The following AADACL4 variants were observed in gnomAD, a reference collection of about 807,000 sequenced individuals.
AADACL4 encodes arylacetamide deacetylase like 4.
A neutral mutation model predicts 14.1 loss-of-function variants in AADACL4; 9 were observed. The ratio of observed to expected loss-of-function variants is 0.64; its 90% CI spans 0.39 to 1.12. The LOEUF is 1.12. Among genes scored for constraint, AADACL4 ranks in the 50% most tolerant of loss-of-function variants. AADACL4 has a pLI of 0.01. For missense variants in AADACL4, 531 were observed against 516.1 expected, an observed-to-expected ratio of 1.03 and a Z score of -0.28; for synonymous variants, 188 against 201.6, an observed-to-expected ratio of 0.93 and a Z score of 0.57.
chr1:12,659,858 G>T (rs1041930643), intron 2 of AADACL4, among the ~76,000 whole-genome samples: 3 of 151,692 alleles, frequency 2.0e-5, no homozygotes, highest in African/African-American at 7.3e-5. Context: ...TCACTCTGTT[G>T]TCCAGGCTGG....
chr1:12,649,629 C>CG (rs1647133155), intron 1 of AADACL4, among the ~76,000 whole-genome samples: 1 of 152,152 alleles, frequency 6.6e-6, no homozygotes, highest in African/African-American at 2.4e-5. Context: ...GTAGTCCGTG[C>CG]AACCTCAGAC....
chr1:12,658,016 C>G (rs887830342), intron 2 of AADACL4, among the ~76,000 whole-genome samples: 1 of 149,606 alleles, frequency 6.7e-6, no homozygotes, highest in East Asian at 2.0e-4. Flanking sequence ...CTCTCTCTCT[C>G]TCTTTCTTTC....
chr1:12,662,090 C>T (rs2100769240), intron 3 of AADACL4, among the ~76,000 whole-genome samples: 1 of 152,098 alleles, frequency 6.6e-6, no homozygotes, highest in Non-Finnish European at 1.5e-5. Flanking sequence ...GATTACATAG[C>T]CAAGAAGATA....
chr1:12,649,639 C>A (rs1487346510), intron 1 of AADACL4, among the ~76,000 whole-genome samples: 1 of 152,160 alleles, frequency 6.6e-6, no homozygotes, highest in Non-Finnish European at 1.5e-5. Context: ...CAACCTCAGA[C>A]AAGACCCAGT....
intron 1 of AADACL4, among the ~76,000 whole-genome samples, chr1:12,646,727 T>C (rs920850665): frequency 1.3e-5 from 2 of 152,224 alleles, no homozygotes; most frequent in Non-Finnish European, 2.9e-5. Context: ...ACAGCTGCTA[T>C]GGGCTGTTCA....
chr1:12,644,662 A>G lies in AADACL4; in HGVS notation c.116A>G (p.His39Arg), dbSNP rs776894547. ...LTTDIPATLQ[H>R]PAKLRFLHCI... ...ACGGATATCCCTGCTACCTTGCAGC[A>G]TCCTGCCAAGTTGAGATTCCTGCAT... is the stretch of plus-strand genomic sequence containing the variant. Residue 39 changes from histidine (H) to arginine (R), a missense_variant, in exon 1 of 4, where the codon CAT becomes CGT. His to Arg is a conservative substitution (Grantham distance 29, BLOSUM62 0). Transcript: ENST00000376221. 6.2e-7 allele frequency: 1 copy of G among 1,614,104 alleles called. No homozygotes were observed. The highest frequency in any genetic ancestry group is 8.5e-7 in the Non-Finnish European group (1 of 1,180,006).
intron 2 of AADACL4, among the ~76,000 whole-genome samples, chr1:12,653,276 T>C (rs1400997295): frequency 1.3e-5 from 2 of 152,176 alleles, no homozygotes; most frequent in Admixed American, 6.5e-5. Flanking sequence ...AATTGCAGTG[T>C]TTGCCATAAA....
intron 3 of AADACL4, among the ~76,000 whole-genome samples, chr1:12,662,282 C>T (rs1409878958): frequency 6.6e-6 from 1 of 152,008 alleles, no homozygotes; most frequent in Non-Finnish European, 1.5e-5. Flanking sequence ...AACACATAGA[C>T]GTAACAAGAC....
intron 2 of AADACL4, among the ~76,000 whole-genome samples, chr1:12,654,870 A>G (rs1647171697): frequency 6.6e-6 from 1 of 152,222 alleles, no homozygotes; most frequent in African/African-American, 2.4e-5. Flanking sequence ...AGGGGTGACC[A>G]GGTTAATTAC....
At chr1:12,647,331 T>C (rs1557547065) in intron 1 of AADACL4, among the ~76,000 whole-genome samples, 1 of 152,118 alleles carries the variant, frequency 6.6e-6, no homozygotes, top group African/African-American at 2.4e-5. Flanking sequence ...ACTCCTGGAT[T>C]CAAGCAATCC....
At chr1:12,652,229 G>T (rs1240426304) in intron 2 of AADACL4, among the ~76,000 whole-genome samples, 1 of 152,030 alleles carries the variant, frequency 6.6e-6, no homozygotes, top group African/African-American at 2.4e-5. Flanking sequence ...GCCTCACCCG[G>T]GTCACCTGTG....
At chr1:12,657,621 G>A (rs540286280) in intron 2 of AADACL4, among the ~76,000 whole-genome samples, 24 of 152,304 alleles carry the variant, frequency 1.6e-4, no homozygotes, top group African/African-American at 5.1e-4. Context: ...AGACACGTGC[G>A]AGGAGGATTG....
At chr1:12,656,134 G>A (rs1351056964) in intron 2 of AADACL4, among the ~76,000 whole-genome samples, 1 of 152,160 alleles carries the variant, frequency 6.6e-6, no homozygotes, top group African/African-American at 2.4e-5. Context: ...GTTACCCATG[G>A]CCTTGGCTTG....
chr1:12,645,061 C>CCTTA (rs1330832675), intron 1 of AADACL4, among the ~76,000 whole-genome samples: 1 of 148,896 alleles, frequency 6.7e-6, no homozygotes, highest in East Asian at 2.0e-4. Context: ...TCCCTCCCTC[C>CCTTA]CTTCCTTCCT....
chr1:12,658,097 T>TTC (rs747258829), intron 2 of AADACL4, among the ~76,000 whole-genome samples: 2 of 130,210 alleles, frequency 1.5e-5, no homozygotes, highest in Non-Finnish European at 3.3e-5. Context: ...TTCTCTTTCT[T>TTC]TCTCTCTTTC....
chr1:12,659,125 G>A (rs758208733), intron 2 of AADACL4, among the ~76,000 whole-genome samples: 29 of 152,104 alleles, frequency 1.9e-4, no homozygotes, highest in Non-Finnish European at 5.9e-5. Context: ...GGCTTCTCCC[G>A]GTACATAACT....
rs1647354373 is a variant in AADACL4, at chr1:12,666,900, A to T, written c.*165A>T. 1.5e-6 allele frequency: 1 copy of T among 649,100 alleles called. No individual in the cohort carries two copies. The highest frequency in any genetic ancestry group is 4.3e-4 in the Middle Eastern group (1 of 2,312). 40.2% of individuals were successfully genotyped at this position (649,100 alleles called of 1,614,324 possible). On this transcript the variant is annotated 3_prime_UTR_variant, in exon 4 of 4. Transcript: ENST00000376221. Reference sequence around the variant, plus strand: ...AACAGTCTTGCTTAGTATTCAAGAAAATCCAAACTGTGTCTGTTTCCTTCC... The same window carrying T: ...AACAGTCTTGCTTAGTATTCAAGAATATCCAAACTGTGTCTGTTTCCTTCC...
rs1242212582 is a variant in AADACL4, at chr1:12,666,684, ATGTTCCC to A, written c.1176_1182del (p.Cys392Ter). Reference sequence around the variant, plus strand: ...TTGATAAGAAGGCTCTCTCTTTCCCATGTTCCCTGAAGATTGTGAATGCTGTAGTCAG... The same window carrying A: ...TTGATAAGAAGGCTCTCTCTTTCCCATGAAGATTGTGAATGCTGTAGTCAG... On this transcript the variant is annotated frameshift_variant, in exon 4 of 4. Coordinates refer to ENST00000376221, the MANE Select transcript of AADACL4 (RefSeq NM_001013630.2). LOFTEE classifies it low-confidence loss of function (END_TRUNC). The A allele has an allele frequency of 5.6e-6, 9 of 1,613,678 alleles. No homozygotes were observed. The highest frequency in any genetic ancestry group is 7.6e-6 in the Non-Finnish European group (9 of 1,180,008).
rs758026707 is a variant in AADACL4, at chr1:12,665,996, T to C, written c.485T>C (p.Leu162Pro). The C allele has an allele frequency of 2.5e-6, 4 of 1,612,164 alleles. No homozygotes were observed. In the African/African-American group the frequency reaches 5.3e-5, roughly 22 times the overall value. The change falls in exon 4 of 4, where the codon CTT (leucine) becomes CCT (proline). Residue 162 changes from leucine (L) to proline (P), a missense_variant. Coordinates refer to ENST00000376221, the MANE Select transcript of AADACL4 (RefSeq NM_001013630.2). ...RKLPDHHSPA[L>P]FQDCMNASIH... ...CTTCCTGACCACCATTCCCCTGCCC[T>C]TTTCCAAGACTGCATGAATGCCTCC... is the stretch of plus-strand genomic sequence containing the variant.
Sources: allele counts gnomAD v4.1 joint callset (sites outside exome capture counted in the v4.1 genomes callset), GRCh38; gene constraint gnomAD v4.1.1; transcripts MANE v1.5; gene names NCBI Gene and HGNC (gene_info 2026-07-23, HGNC 2026-07-21).